Variants in DAAM1 observed in about 807,000 individuals in gnomAD.
DAAM1 encodes the protein disheveled-associated activator of morphogenesis 1.
Under a neutral mutation model 130.0 loss-of-function variants are expected in DAAM1, and 52 were observed. The ratio of observed to expected loss-of-function variants is 0.40; its 90% CI spans 0.32 to 0.50. DAAM1 has a LOEUF of 0.50. Among genes scored for constraint, DAAM1 ranks in the 20% least tolerant of loss-of-function variants. The pLI is 0.61. For synonymous variants in DAAM1, 452 were observed against 444.5 expected (o/e 1.02, Z -0.21); for missense variants, 1,134 against 1,303.8 (o/e 0.87, Z 2.01).
At chr14:59,362,601 T>C (rs1021491455) in intron 22 of DAAM1, 1 of 151,496 alleles carries the variant, frequency 6.6e-6, no homozygotes, top group African/African-American at 2.4e-5. Context: ...GTTATTTCAT[T>C]TGAGTGTAGT....
At chr14:59,237,419 G>T (rs553677866) in intron 1 of DAAM1, among the ~76,000 whole-genome samples, 2 of 152,226 alleles carry the variant, frequency 1.3e-5, no homozygotes, top group East Asian at 1.9e-4. Flanking sequence ...ACTGAAAGTT[G>T]AAAAAGTGTA....
chr14:59,275,516 A>C (rs1380133041), intron 2 of DAAM1, among the ~76,000 whole-genome samples: 1 of 152,140 alleles, frequency 6.6e-6, no homozygotes, highest in African/African-American at 2.4e-5. Flanking sequence ...ATTTGGGTGG[A>C]TATTTGGAGA....
chr14:59,213,863 C>T (rs1452709585), intron 1 of DAAM1, among the ~76,000 whole-genome samples: 1 of 152,144 alleles, frequency 6.6e-6, no homozygotes, highest in African/African-American at 2.4e-5. Context: ...CATACTTTGC[C>T]TTGTCCTGAT....
chr14:59,289,491 G>A (rs1883622448), intron 2 of DAAM1, among the ~76,000 whole-genome samples: 1 of 152,118 alleles, frequency 6.6e-6, no homozygotes, highest in African/African-American at 2.4e-5. Flanking sequence ...ATGCTAGTGA[G>A]GTTACAGAGA....
At chr14:59,193,711 TC>T (rs1292451409) in intron 1 of DAAM1, among the ~76,000 whole-genome samples, 2 of 152,172 alleles carry the variant, frequency 1.3e-5, no homozygotes, top group Non-Finnish European at 1.5e-5. Flanking sequence ...GTTTAAGCGT[TC>T]CTGGTTTTTA....
chr14:59,321,386 T>C (rs1594820577), intron 5 of DAAM1, among the ~76,000 whole-genome samples: 1 of 152,248 alleles, frequency 6.6e-6, no homozygotes, highest in East Asian at 1.9e-4. Context: ...GCTCTGTGAA[T>C]ATACTAAAAG....
intron 22 of DAAM1, chr14:59,363,027 A>G (rs1483829995): frequency 1.3e-5 from 2 of 152,484 alleles, no homozygotes; most frequent in Non-Finnish European, 2.9e-5. Flanking sequence ...AACCATTAAC[A>G]TTAGATTTGA....
chr14:59,207,212 T>C (rs2139404047), intron 1 of DAAM1, among the ~76,000 whole-genome samples: 1 of 152,312 alleles, frequency 6.6e-6, no homozygotes, highest in East Asian at 1.9e-4. Flanking sequence ...GTTAATATTT[T>C]CAAGGGCCGT....
intron 12 of DAAM1, among the ~76,000 whole-genome samples, chr14:59,329,310 A>G (rs562752528): frequency 6.6e-6 from 1 of 152,268 alleles, no homozygotes; most frequent in South Asian, 2.1e-4. Context: ...AGAAGAATGA[A>G]ATGGAGATAA....
chr14:59,353,777 T>C, intron 18 of DAAM1, 99 bp from the exon 19 acceptor site: 1 of 1,037,094 alleles, frequency 9.6e-7, no homozygotes, highest in Non-Finnish European at 1.4e-6. Context: ...GGGTGGGTAT[T>C]GGGGGAGGTG....
At chr14:59,291,128 G>C (rs1022746805) in intron 2 of DAAM1, 89 bp from the exon 3 acceptor site, 7 of 1,071,236 alleles carry the variant, frequency 6.5e-6, no homozygotes, top group Non-Finnish European at 7.9e-6. Flanking sequence ...TTGTGTTTTT[G>C]TTTTTTTTCT....
At chr14:59,348,475 G>T (rs146974433) in intron 17 of DAAM1, among the ~76,000 whole-genome samples, 26 of 152,276 alleles carry the variant, frequency 1.7e-4, no homozygotes, top group Admixed American at 3.9e-4. Flanking sequence ...TGTGGTGATA[G>T]TCTCTGAATG....
At position 59,281,524 on chromosome 14, in the gene DAAM1, TGGA is replaced by T. The variant is rs59666401; in HGVS notation, c.184-9666_184-9664del. On this transcript the variant is annotated intron_variant, in intron 2 of 24. Transcript: ENST00000360909. ...TGGATACACTAGAAGGTGCTGCTGT[TGGA>T]GGAGGAGGAGGAGGAGGAGGAGGAG... 5.4e-3 allele frequency among the ~76,000 whole-genome samples: 817 copies of T among 150,036 alleles called. 7 individuals carry two copies. Among genetic ancestry groups the T allele is most frequent in the African/African-American group, 0.015 (631 of 40,938 alleles).
intron 24 of DAAM1, 21 bp from the exon 25 acceptor site, chr14:59,368,629 G>GTTAT: frequency 1.2e-6 from 2 of 1,604,900 alleles, no homozygotes; most frequent in Non-Finnish European, 1.7e-6. Context: ...TCTCAAAGAG[G>GTTAT]TTATTTCTTT....
intron 16 of DAAM1, among the ~76,000 whole-genome samples, chr14:59,341,592 T>C (rs1455700122): frequency 1.3e-5 from 2 of 152,202 alleles, no homozygotes; most frequent in African/African-American, 4.8e-5. Flanking sequence ...ACCCTAGGTA[T>C]GTATGTATAG....
chr14:59,230,510 C>G (rs1362866879), intron 1 of DAAM1, among the ~76,000 whole-genome samples: 1 of 152,052 alleles, frequency 6.6e-6, no homozygotes, highest in Admixed American at 6.6e-5. Flanking sequence ...ATTGCAAGTT[C>G]TCTCTTATTT....
intron 1 of DAAM1, among the ~76,000 whole-genome samples, chr14:59,242,183 T>A (rs1034269196): frequency 6.6e-6 from 1 of 152,224 alleles, no homozygotes; most frequent in African/African-American, 2.4e-5. Context: ...GTAATATTTT[T>A]TTCCAGCTAT....
At chr14:59,340,256 ATTTTG>A in intron 16 of DAAM1, 76 bp downstream of exon 16, 1 of 1,412,166 alleles carries the variant, frequency 7.1e-7, no homozygotes, top group Non-Finnish European at 9.9e-7. Context: ...CATGTTAGTG[ATTTTG>A]TTTTAATTGT....
At chr14:59,333,511 G>A (rs950564682) in intron 15 of DAAM1, among the ~76,000 whole-genome samples, 1 of 152,210 alleles carries the variant, frequency 6.6e-6, no homozygotes, top group Admixed American at 6.5e-5. Flanking sequence ...CTGCTGTCCT[G>A]AGAAGGTGTC....
Sources: gnomAD v4.1 joint callset for allele counts (sites outside exome capture counted in the v4.1 genomes callset) on GRCh38, gnomAD v4.1.1 for gene constraint, MANE v1.5 for transcripts, NCBI Gene and HGNC (gene_info 2026-07-23, HGNC 2026-07-21) for gene names.